INPP4B: variants seen among roughly 807,000 people sequenced by gnomAD.
The protein encoded by INPP4B is inositol polyphosphate 4-phosphatase type II.
In INPP4B, 55 loss-of-function variants were observed where a neutral mutation model predicts 122.5. That is an observed-to-expected ratio of 0.45 (90% CI 0.36 to 0.56). The LOEUF (loss-of-function observed/expected upper bound fraction) is 0.56. INPP4B is among the 20% of genes least tolerant of loss of function. INPP4B has a pLI of 0.00. For synonymous variants in INPP4B, 403 were observed against 388.7 expected, an observed-to-expected ratio of 1.04 and a Z score of -0.43; for missense variants, 1,000 against 1,097.7, an observed-to-expected ratio of 0.91 and a Z score of 1.26.
At chr4:142,252,999 G>A (rs999360889) in intron 11 of INPP4B, among the ~76,000 whole-genome samples, 5 of 152,158 alleles carry the variant, frequency 3.3e-5, no homozygotes, top group African/African-American at 4.8e-5. Flanking sequence ...CCAGGGTATC[G>A]CCTATTGCTC....
chr4:142,226,137 G>C (rs1473580318), intron 12 of INPP4B, among the ~76,000 whole-genome samples: 3 of 152,132 alleles, frequency 2.0e-5, no homozygotes, highest in Non-Finnish European at 4.4e-5. Flanking sequence ...AGTTTTACTG[G>C]TGGTAGTTTG....
chr4:142,831,841 ATT>A (rs1782177034), intron 1 of INPP4B, among the ~76,000 whole-genome samples: 2 of 152,174 alleles, frequency 1.3e-5, no homozygotes, highest in South Asian at 4.1e-4. Flanking sequence ...TTAATGAAGA[ATT>A]ATCACCCAAG....
chr4:142,042,389 C>A (rs1218094673), intron 25 of INPP4B, among the ~76,000 whole-genome samples: 1 of 152,082 alleles, frequency 6.6e-6, no homozygotes, highest in East Asian at 1.9e-4. Flanking sequence ...TGCTCATCAC[C>A]AAGAGATTGA....
At chr4:142,128,595 G>A (rs567649271) in intron 18 of INPP4B, among the ~76,000 whole-genome samples, 32 of 152,246 alleles carry the variant, frequency 2.1e-4, no homozygotes, top group African/African-American at 7.7e-4. Context: ...TTAACCCTGA[G>A]ACCAACAAGA....
rs1407875790 is a variant in INPP4B, at chr4:142,190,095, G to T, written c.1181+2992C>A. On this transcript the variant is annotated intron_variant, in intron 15 of 25. Coordinates refer to ENST00000262992, the MANE Select transcript of INPP4B (RefSeq NM_001101669.3). ...ATGACAGTATTTTATTGGCTTAGCTGAGAAAAAAATAAACAAAGGTGAAAT... is the reference window on the plus strand; with the variant it reads ...ATGACAGTATTTTATTGGCTTAGCTTAGAAAAAAATAAACAAAGGTGAAAT... Among the ~76,000 whole-genome samples the T allele has an allele frequency of 2.6e-5, 4 of 151,990 alleles. No homozygotes were observed. The East Asian group carries it at 7.7e-4, about 29-fold the overall frequency.
intron 2 of INPP4B, among the ~76,000 whole-genome samples, chr4:142,710,067 T>C (rs116528248): frequency 3.3e-5 from 5 of 152,322 alleles, no homozygotes; most frequent in African/African-American, 4.8e-5. Context: ...CAGATCTCAA[T>C]AGGGATGAAA....
intron 2 of INPP4B, among the ~76,000 whole-genome samples, chr4:142,538,914 T>C (rs1486287139): frequency 1.3e-5 from 2 of 151,640 alleles, no homozygotes; most frequent in South Asian, 4.2e-4. Flanking sequence ...AAGAGAGAGA[T>C]AAAATTAGTG....
intron 11 of INPP4B, among the ~76,000 whole-genome samples, chr4:142,246,053 A>G (rs1488199747): frequency 4.6e-4 from 23 of 49,784 alleles, no homozygotes; most frequent in African/African-American, 1.1e-3. Context: ...TACACACATT[A>G]TATATATGTG....
intron 2 of INPP4B, among the ~76,000 whole-genome samples, chr4:142,501,539 T>C (rs973080036): frequency 9.3e-5 from 14 of 150,854 alleles, no homozygotes; most frequent in Non-Finnish European, 1.5e-4. Context: ...CAAAAAGCAA[T>C]TGAGATGAAA....
chr4:142,164,116 A>T (rs540624313), intron 16 of INPP4B, among the ~76,000 whole-genome samples: 29 of 151,968 alleles, frequency 1.9e-4, no homozygotes, highest in African/African-American at 7.0e-4. Flanking sequence ...TCATATCCCC[A>T]TACAACTATT....
At chr4:142,844,577 T>A (rs1783954403) in intron 1 of INPP4B, among the ~76,000 whole-genome samples, 1 of 152,236 alleles carries the variant, frequency 6.6e-6, no homozygotes, top group South Asian at 2.1e-4. Context: ...TTTACAGGAT[T>A]ATATCACAAA....
At chr4:142,249,733 C>A (rs1411690208) in intron 11 of INPP4B, among the ~76,000 whole-genome samples, 2 of 152,302 alleles carry the variant, frequency 1.3e-5, no homozygotes, top group South Asian at 2.1e-4. Context: ...AAAATCATTT[C>A]TTCTGTCAGT....
At chr4:142,448,341 A>C (rs1406428669) in intron 3 of INPP4B, among the ~76,000 whole-genome samples, 1 of 151,592 alleles carries the variant, frequency 6.6e-6, no homozygotes, top group East Asian at 1.9e-4. Flanking sequence ...AAAAAAAAAA[A>C]AAAAAAAAAA....
intron 21 of INPP4B, 124 bp downstream of exon 21, chr4:142,122,004 A>C: frequency 1.5e-6 from 1 of 659,806 alleles, no homozygotes. Context: ...CTTACCAAAA[A>C]GGAAAAGAAA....
At chr4:142,256,339 A>G (rs1261569853) in intron 11 of INPP4B, among the ~76,000 whole-genome samples, 1 of 151,750 alleles carries the variant, frequency 6.6e-6, no homozygotes, top group African/African-American at 2.4e-5. Context: ...GCAGAAGGCA[A>G]GAAATAACTA....
chr4:142,781,807 C>A (rs1272073312), intron 1 of INPP4B, among the ~76,000 whole-genome samples: 1 of 151,788 alleles, frequency 6.6e-6, no homozygotes, highest in African/African-American at 2.4e-5. Context: ...AAAGAAAGCC[C>A]CATGGAAATG....
rs1771695753 is a variant in INPP4B, at chr4:142,763,839, A to C, written c.-253-37938T>G. 2.0e-5 allele frequency among the ~76,000 whole-genome samples: 3 copies of C among 152,136 alleles called. No individual in the cohort carries two copies. The South Asian group carries it at 6.2e-4, about 31-fold the overall frequency. ...TTGCTTTGTAAAAATTTTTTTAAAA[A>C]ATCAGCAAAGAAGCAATGTCAATAG... is the stretch of plus-strand genomic sequence containing the variant. On this transcript the variant is annotated intron_variant, in intron 1 of 25. Coordinates refer to ENST00000262992, the MANE Select transcript of INPP4B (RefSeq NM_001101669.3).
intron 8 of INPP4B, among the ~76,000 whole-genome samples, chr4:142,309,317 G>A (rs1764552067): frequency 6.6e-6 from 1 of 151,878 alleles, no homozygotes; most frequent in Non-Finnish European, 1.5e-5. Context: ...ATAAATATGA[G>A]ATTTGGGGGA....
chr4:142,691,745 G>A (rs1351450331), intron 2 of INPP4B, among the ~76,000 whole-genome samples: 8 of 151,994 alleles, frequency 5.3e-5, no homozygotes, highest in African/African-American at 1.9e-4. Context: ...CACTGACCTT[G>A]GACTGCAGGG....
Sources: gnomAD v4.1 joint callset for allele counts (sites outside exome capture counted in the v4.1 genomes callset) on GRCh38, gnomAD v4.1.1 for gene constraint, MANE v1.5 for transcripts, NCBI Gene and HGNC (gene_info 2026-07-23, HGNC 2026-07-21) for gene names.